SPAG16: variants seen among roughly 807,000 people sequenced by gnomAD.
SPAG16 encodes sperm-associated antigen 16 protein.
Under a neutral mutation model 80.4 loss-of-function variants are expected in SPAG16, and 86 were observed. The observed-to-expected ratio is 1.07, with a 90% CI of 0.90 to 1.28. SPAG16 has a LOEUF of 1.28. Among genes scored for constraint, SPAG16 ranks in the 50% most tolerant of loss-of-function variants. The pLI is 0.00. For synonymous variants in SPAG16, 294 were observed against 265.9 expected (o/e 1.11, Z -1.03); for missense variants, 870 against 765.3 (o/e 1.14, Z -1.61).
At chr2:214,182,756 A>G (rs1052736219) in intron 15 of SPAG16, among the ~76,000 whole-genome samples, 2 of 151,966 alleles carry the variant, frequency 1.3e-5, no homozygotes, top group Non-Finnish European at 2.9e-5. Flanking sequence ...TATTTTAGCA[A>G]TTGTAAGAAA....
At chr2:214,066,069 TG>T (rs1446132245) in intron 13 of SPAG16, among the ~76,000 whole-genome samples, 3 of 152,218 alleles carry the variant, frequency 2.0e-5, no homozygotes, top group African/African-American at 7.2e-5. Context: ...TCCAGCTTGT[TG>T]ACCACTTCTT....
intron 10 of SPAG16, among the ~76,000 whole-genome samples, chr2:213,748,613 T>C (rs568170854): frequency 6.6e-6 from 1 of 152,280 alleles, no homozygotes; most frequent in African/African-American, 2.4e-5. Flanking sequence ...CATTAACATA[T>C]AAATAAGAAA....
chr2:214,244,582 A>G (rs1689713065), intron 15 of SPAG16, among the ~76,000 whole-genome samples: 1 of 152,072 alleles, frequency 6.6e-6, no homozygotes, highest in African/African-American at 2.4e-5. Context: ...AGTAAGATAA[A>G]TAATTGCTGT....
intron 15 of SPAG16, among the ~76,000 whole-genome samples, chr2:214,174,055 C>A (rs190448853): frequency 4.0e-5 from 6 of 151,864 alleles, no homozygotes; most frequent in African/African-American, 1.5e-4. Flanking sequence ...TCAATAAATA[C>A]GGTATTGATG....
chr2:213,992,902 G>A (rs2046352280), intron 12 of SPAG16, among the ~76,000 whole-genome samples: 1 of 152,200 alleles, frequency 6.6e-6, no homozygotes, highest in Non-Finnish European at 1.5e-5. Flanking sequence ...CTGACCAGTC[G>A]TGTAATGAAA....
chr2:213,880,849 C>T (rs2076315525), intron 11 of SPAG16, among the ~76,000 whole-genome samples: 1 of 152,208 alleles, frequency 6.6e-6, no homozygotes, highest in East Asian at 1.9e-4. Context: ...CTTTTTGTAG[C>T]AGTGCCATGC....
At chr2:213,846,483 C>T (rs947215677) in intron 10 of SPAG16, among the ~76,000 whole-genome samples, 1 of 151,896 alleles carries the variant, frequency 6.6e-6, no homozygotes, top group Non-Finnish European at 1.5e-5. Flanking sequence ...TACAGTGTTC[C>T]TGTGTGGTTC....
intron 15 of SPAG16, among the ~76,000 whole-genome samples, chr2:214,389,906 A>G (rs1700972881): frequency 6.6e-6 from 1 of 152,190 alleles, no homozygotes; most frequent in South Asian, 2.1e-4. Flanking sequence ...GGCAGAACCT[A>G]TGTAAAACGT....
At chr2:213,403,877 A>G (rs1369403516) in intron 9 of SPAG16, among the ~76,000 whole-genome samples, 2 of 152,224 alleles carry the variant, frequency 1.3e-5, no homozygotes, top group Non-Finnish European at 2.9e-5. Context: ...TACAAAATCA[A>G]TGTACAAAAA....
At chr2:213,304,485 T>G (rs750369251) in intron 3 of SPAG16, among the ~76,000 whole-genome samples, 2 of 152,150 alleles carry the variant, frequency 1.3e-5, no homozygotes, top group Non-Finnish European at 2.9e-5. Context: ...TTTGGGAGTT[T>G]TCTCTTAGAA....
At chr2:214,254,157 G>C (rs1346861014) in intron 15 of SPAG16, among the ~76,000 whole-genome samples, 1 of 151,912 alleles carries the variant, frequency 6.6e-6, no homozygotes, top group African/African-American at 2.4e-5. Flanking sequence ...CTTTGCTGAA[G>C]TTGCTTATCA....
intron 13 of SPAG16, among the ~76,000 whole-genome samples, chr2:214,052,841 T>G (rs1575989481): frequency 6.6e-6 from 1 of 152,176 alleles, no homozygotes; most frequent in Non-Finnish European, 1.5e-5. Flanking sequence ...AAAGGGAAAC[T>G]TCATAACTTA....
chr2:214,129,355 C>T (rs1193177699), intron 14 of SPAG16, among the ~76,000 whole-genome samples: 3 of 152,094 alleles, frequency 2.0e-5, no homozygotes, highest in South Asian at 2.1e-4. Flanking sequence ...TGACTTCATT[C>T]GTTTTCATCT....
intron 15 of SPAG16, chr2:214,250,157 C>T (rs1467144603): frequency 6.6e-6 from 1 of 152,112 alleles, no homozygotes; most frequent in African/African-American, 2.4e-5. Context: ...TTCACATGGC[C>T]ATAACCCAAC....
chr2:213,969,799 C>T lies in SPAG16; in HGVS notation c.1400+39654C>T, dbSNP rs75042604. On this transcript the variant is annotated intron_variant, in intron 12 of 15. Transcript: ENST00000331683. ...GAGCTCAGGTGTCAGTTTAATAAAC[C>T]GAGTGTGTGTAAAATGTGGAAGAAA... 1.6e-3 allele frequency among the ~76,000 whole-genome samples: 243 copies of T among 151,734 alleles called. 6 individuals carry two copies. The East Asian group carries it at 0.037, about 23-fold the overall frequency.
chr2:213,869,509 G>T (rs1426201669), intron 11 of SPAG16, among the ~76,000 whole-genome samples: 1 of 151,370 alleles, frequency 6.6e-6, no homozygotes. Context: ...AGACAATTTT[G>T]ACATGCCTCT....
At chr2:214,275,660 G>T (rs1692409436) in intron 15 of SPAG16, among the ~76,000 whole-genome samples, 1 of 152,198 alleles carries the variant, frequency 6.6e-6, no homozygotes, top group Non-Finnish European at 1.5e-5. Flanking sequence ...CTGAGAGACA[G>T]TTTGTTGTGA....
intron 9 of SPAG16, among the ~76,000 whole-genome samples, chr2:213,436,331 T>C (rs1419432604): frequency 2.0e-5 from 3 of 152,200 alleles, no homozygotes; most frequent in African/African-American, 7.2e-5. Context: ...AGATTAGTCT[T>C]GTTTTCCTCT....
chr2:213,563,556 A>G (rs529148477), intron 10 of SPAG16, among the ~76,000 whole-genome samples: 5 of 152,238 alleles, frequency 3.3e-5, no homozygotes, highest in Admixed American at 1.3e-4. Flanking sequence ...ACAGAGAGAA[A>G]GAAGTATTTC....
Sources: gnomAD v4.1 joint callset for allele counts (sites outside exome capture counted in the v4.1 genomes callset) on GRCh38, gnomAD v4.1.1 for gene constraint, MANE v1.5 for transcripts, NCBI Gene and HGNC (gene_info 2026-07-23, HGNC 2026-07-21) for gene names.